Variants in SYNE1 observed in about 807,000 individuals in gnomAD.
SYNE1 encodes the protein nesprin-1.
In SYNE1, 616 loss-of-function variants were observed where a neutral mutation model predicts 1,111.0. That is an observed-to-expected ratio of 0.55 (90% CI 0.52 to 0.59). The LOEUF is 0.59. Ranked by LOEUF, SYNE1 falls within the 20% of genes least tolerant of loss-of-function variation. The probability of loss-of-function intolerance (pLI) is 0.00; values close to 1 mark genes in which losing one functional copy is unlikely to be tolerated. For missense variants in SYNE1, 10,006 were observed against 10,417.0 expected, an observed-to-expected ratio of 0.96 and a Z score of 1.72; for synonymous variants, 3,855 against 3,825.8, an observed-to-expected ratio of 1.01 and a Z score of -0.28.
At chr6:152,287,002 A>G (rs2094365422) in intron 95 of SYNE1, among the ~76,000 whole-genome samples, 1 of 152,232 alleles carries the variant, frequency 6.6e-6, no homozygotes, top group Non-Finnish European at 1.5e-5. Flanking sequence ...AATGTTTGTT[A>G]CTGGCTTATG....
intron 3 of SYNE1, among the ~76,000 whole-genome samples, chr6:152,557,595 A>T (rs2128195074): frequency 6.6e-6 from 1 of 152,284 alleles, no homozygotes; most frequent in African/African-American, 2.4e-5. Flanking sequence ...TATAAGGGAA[A>T]CTCCGTAAGA....
chr6:152,413,645 C>G (rs1019513528), intron 41 of SYNE1, 114 bp from the exon 42 acceptor site: 5 of 1,055,736 alleles, frequency 4.7e-6, no homozygotes, highest in Admixed American at 2.4e-5. Flanking sequence ...GCTAGAAAAA[C>G]TTTTAACACA....
chr6:152,168,107 G>A, intron 130 of SYNE1: 1 of 780,520 alleles, frequency 1.3e-6, no homozygotes, highest in Non-Finnish European at 2.4e-6. Flanking sequence ...TCAAGAAGAT[G>A]CCTGCCTTGT....
chr6:152,619,640 G>A (rs2099670987), intron 3 of SYNE1, among the ~76,000 whole-genome samples: 1 of 152,110 alleles, frequency 6.6e-6, no homozygotes, highest in South Asian at 2.1e-4. Context: ...TAGTTACATA[G>A]CAAAGATCTA....
At position 152,625,881 on chromosome 6, in the gene SYNE1, C is replaced by A. The variant is rs1583658507; in HGVS notation, c.67+2384G>T. On this transcript the variant is annotated intron_variant, in intron 3 of 145. Coordinates refer to ENST00000367255, the MANE Select transcript of SYNE1 (RefSeq NM_182961.4). Reference sequence around the variant, plus strand: ...ATCACAGCATTTATAATTTTTAAATCTCCTTTAGTAAATTATCTCATTGAG... The same window carrying A: ...ATCACAGCATTTATAATTTTTAAATATCCTTTAGTAAATTATCTCATTGAG... 2.6e-5 allele frequency among the ~76,000 whole-genome samples: 4 copies of A among 152,214 alleles called. No homozygotes were observed. In the Middle Eastern group the frequency reaches 0.014, roughly 518 times the overall value.
At chr6:152,520,658 AC>A in intron 5 of SYNE1, 116 bp from the exon 6 acceptor site, 1 of 1,137,784 alleles carries the variant, frequency 8.8e-7, no homozygotes, top group Non-Finnish European at 1.3e-6. Flanking sequence ...AAAGCAACCA[AC>A]ATTGTTCACT....
intron 6 of SYNE1, among the ~76,000 whole-genome samples, chr6:152,518,476 C>G (rs1219333441): frequency 1.3e-5 from 2 of 151,918 alleles, no homozygotes; most frequent in Non-Finnish European, 2.9e-5. Flanking sequence ...CATGTGACGT[C>G]CCTGCTCCCC....
At chr6:152,372,929 C>T (rs1173381308) in intron 59 of SYNE1, 108 bp downstream of exon 59, 4 of 1,259,590 alleles carry the variant, frequency 3.2e-6, no homozygotes, top group East Asian at 2.3e-5. Context: ...AGAGGGGTAA[C>T]CAAAATCATT....
rs371641639 is a variant in SYNE1 at position 152,352,113 on chromosome 6, T to C, written c.11494A>G (p.Ile3832Val). 1 of 1,614,256 alleles carries C rather than the reference T, an allele frequency of 6.2e-7. No individual in the cohort carries two copies. The highest frequency in any genetic ancestry group is 1.3e-5 in the African/African-American group (1 of 75,074). ...TGTAGAATTTCCTGGTATTCTGCTA[T>C]CCACTGTGTCAGTGCTTTGCATTTA... ...SDKCKALTQW[I>V]AEYQEILHVP... is the part of the protein sequence containing the mutation. Residue 3832 changes from isoleucine (I) to valine (V), a missense_variant, in exon 70 of 146, where the codon ATA (isoleucine) becomes GTA (valine). Ile to Val is a conservative substitution (Grantham distance 29). Around this residue, in one of 7 missense-constraint regions of SYNE1, gnomAD observed 4,955 missense variants for 5,017.2 expected, o/e 0.99. Coordinates refer to ENST00000367255, the MANE Select transcript of SYNE1 (RefSeq NM_182961.4).
At chr6:152,351,221 A>G (rs1381887044) in intron 70 of SYNE1, among the ~76,000 whole-genome samples, 1 of 152,214 alleles carries the variant, frequency 6.6e-6, no homozygotes, top group Admixed American at 6.5e-5. Context: ...ATTTAAATCT[A>G]TCAAGAACTC....
intron 20 of SYNE1, 36 bp downstream of exon 20, chr6:152,462,702 G>A (rs767213094): frequency 6.2e-7 from 1 of 1,613,086 alleles, no homozygotes; most frequent in South Asian, 1.1e-5. Flanking sequence ...TCTCACAACA[G>A]AGTAGGCTTT....
At position 152,246,327 on chromosome 6, in the gene SYNE1, T is replaced by C. The variant is rs996152898; in HGVS notation, c.19573-1671A>G. Among the ~76,000 whole-genome samples, 13 of 149,614 alleles carry C rather than the reference T, an allele frequency of 8.7e-5. 1 individual carries two copies. The highest frequency in any genetic ancestry group is 7.3e-4 in the Admixed American group (11 of 15,014). On this transcript the variant is annotated intron_variant, in intron 105 of 145. Coordinates refer to ENST00000367255, the MANE Select transcript of SYNE1 (RefSeq NM_182961.4). Reference sequence around the variant, plus strand: ...AGGAAAACAGATTATACAGGAAAAGTAGAACTTTAAACAACAAAAAAAAAA... The same window carrying C: ...AGGAAAACAGATTATACAGGAAAAGCAGAACTTTAAACAACAAAAAAAAAA...
At chr6:152,451,275 GCA>G in intron 25 of SYNE1, 70 bp from the exon 26 acceptor site, 1 of 1,466,130 alleles carries the variant, frequency 6.8e-7, no homozygotes, top group African/African-American at 2.1e-5. Flanking sequence ...AATTGAAGTG[GCA>G]AAAAAAAAAA....
chr6:152,393,600 T>C (rs1014669958), intron 51 of SYNE1, among the ~76,000 whole-genome samples: 18 of 151,794 alleles, frequency 1.2e-4, no homozygotes, highest in African/African-American at 3.9e-4. Context: ...ATAGAGTAAA[T>C]GAAGAGCTTA....
At chr6:152,304,206 A>G (rs528535908) in intron 91 of SYNE1, among the ~76,000 whole-genome samples, 1 of 152,330 alleles carries the variant, frequency 6.6e-6, no homozygotes, top group East Asian at 1.9e-4. Flanking sequence ...AATAAATGAC[A>G]TTTACTGCAA....
chr6:152,196,539 G>A (rs1376401015), intron 127 of SYNE1, among the ~76,000 whole-genome samples: 2 of 151,952 alleles, frequency 1.3e-5, no homozygotes, highest in Middle Eastern at 3.2e-3. Flanking sequence ...AATGCAGCAG[G>A]TTCTCTTCTG....
At chr6:152,162,350 C>T (rs1446812404) in intron 131 of SYNE1, among the ~76,000 whole-genome samples, 1 of 152,178 alleles carries the variant, frequency 6.6e-6, no homozygotes, top group East Asian at 1.9e-4. Context: ...ATTTTCTCTC[C>T]TGTTCTCTTT....
chr6:152,366,214 C>A (rs2097075171), intron 62 of SYNE1, among the ~76,000 whole-genome samples: 1 of 152,078 alleles, frequency 6.6e-6, no homozygotes, highest in Admixed American at 6.5e-5. Context: ...TGCCTGTAAT[C>A]CCAGCTACTT....
intron 99 of SYNE1, 63 bp from the exon 100 acceptor site, chr6:152,268,228 T>TAA: frequency 3.1e-6 from 4 of 1,301,872 alleles, no homozygotes; most frequent in Non-Finnish European, 3.3e-6. Flanking sequence ...CCTACAATCA[T>TAA]AGTTCTAGCT....
Sources: allele counts gnomAD v4.1 joint callset (sites outside exome capture counted in the v4.1 genomes callset), GRCh38; gene constraint gnomAD v4.1.1; regional missense constraint gnomAD v4.1.1; transcripts MANE v1.5; gene names NCBI Gene and HGNC (gene_info 2026-07-23, HGNC 2026-07-21).